PTPRG: variants seen among roughly 807,000 people sequenced by gnomAD.
PTPRG encodes the protein receptor-type tyrosine-protein phosphatase gamma.
PTPRG carries 102 observed loss-of-function variants against 165.3 expected under a neutral mutation model. That is an observed-to-expected ratio of 0.62 (90% CI 0.53 to 0.73). The LOEUF (loss-of-function observed/expected upper bound fraction) is 0.73. Ranked by LOEUF, PTPRG falls within the 30% of genes least tolerant of loss-of-function variation. The pLI is 0.00. For missense variants in PTPRG, 1,866 were observed against 1,861.4 expected (o/e 1.00, Z -0.05); for synonymous variants, 675 against 669.5 (o/e 1.01, Z -0.13).
At chr3:61,784,685 C>A (rs1257165196) in intron 2 of PTPRG, among the ~76,000 whole-genome samples, 1 of 152,144 alleles carries the variant, frequency 6.6e-6, no homozygotes, top group Non-Finnish European at 1.5e-5. Flanking sequence ...TGATCTATTT[C>A]TTCTGCCTTT....
intron 4 of PTPRG, among the ~76,000 whole-genome samples, chr3:62,017,418 ATTTT>A (rs11287319): frequency 7.3e-6 from 1 of 136,876 alleles, no homozygotes; most frequent in Non-Finnish European, 1.6e-5. Context: ...TCAGAAAATG[ATTTT>A]TTTTTTTTTT....
chr3:61,858,144 A>T (rs979934401), intron 2 of PTPRG, among the ~76,000 whole-genome samples: 1 of 152,240 alleles, frequency 6.6e-6, no homozygotes, highest in African/African-American at 2.4e-5. Context: ...ACAGAAAAGC[A>T]TGAAGGAAAA....
chr3:62,033,697 C>T (rs943008767), intron 4 of PTPRG, among the ~76,000 whole-genome samples: 1 of 152,052 alleles, frequency 6.6e-6, no homozygotes, highest in Non-Finnish European at 1.5e-5. Context: ...ATGCAAATTA[C>T]AGAGGGAGAG....
At chr3:61,970,798 A>G (rs1200047192) in intron 2 of PTPRG, among the ~76,000 whole-genome samples, 3 of 150,386 alleles carry the variant, frequency 2.0e-5, no homozygotes, top group Non-Finnish European at 3.0e-5. Flanking sequence ...GAATCACCCA[A>G]TAAAGGAATT....
At chr3:62,089,669 A>AT (rs1014471484) in intron 5 of PTPRG, among the ~76,000 whole-genome samples, 1 of 152,208 alleles carries the variant, frequency 6.6e-6, no homozygotes, top group African/African-American at 2.4e-5. Context: ...AGCTATGAGC[A>AT]TAGCTGTGCA....
At chr3:62,098,916 T>C (rs1001489538) in intron 5 of PTPRG, among the ~76,000 whole-genome samples, 13 of 152,216 alleles carry the variant, frequency 8.5e-5, no homozygotes, top group Non-Finnish European at 1.6e-4. Flanking sequence ...ACTCCAGATA[T>C]AGGGGTGTGA....
At chr3:61,623,497 G>A (rs1356839428) in intron 1 of PTPRG, among the ~76,000 whole-genome samples, 1 of 152,176 alleles carries the variant, frequency 6.6e-6, no homozygotes, top group East Asian at 1.9e-4. Context: ...AAACATTGGA[G>A]CAGGAAGAGG....
intron 21 of PTPRG, among the ~76,000 whole-genome samples, chr3:62,272,448 CTTTTT>C (rs1702096387): frequency 1.3e-5 from 2 of 152,208 alleles, no homozygotes; most frequent in South Asian, 4.1e-4. Context: ...ATTCTTGCCT[CTTTTT>C]TGTTTGTTTT....
At chr3:62,292,642 G>A in intron 29 of PTPRG, 86 bp downstream of exon 29, 1 of 1,492,896 alleles carries the variant, frequency 6.7e-7, no homozygotes, top group Non-Finnish European at 9.1e-7. Context: ...TCAATTGGGG[G>A]TGATTTTGCC....
rs369755117 is a variant in PTPRG, at chr3:62,074,344, T to TTTTCTTTTC, written c.520-3812_520-3811insTCTTTCTTT. Among the ~76,000 whole-genome samples the TTTTCTTTTC allele has an allele frequency of 2.7e-3, 330 of 124,236 alleles. 3 individuals are homozygous for TTTTCTTTTC. Among genetic ancestry groups the TTTTCTTTTC allele is most frequent in the African/African-American group, 0.011 (313 of 29,478 alleles). 81.5% of individuals were successfully genotyped at this position (124,236 alleles called of 152,430 possible). On this transcript the variant is annotated intron_variant, in intron 4 of 29. Coordinates refer to ENST00000474889, the MANE Select transcript of PTPRG (RefSeq NM_002841.4). ...TTTTTTCTTTTTTTCCTTTCTTTTC[T>TTTTCTTTTC]TTTCTTTCTTTTTTTTTTTTTTTTT...
At position 61,609,702 on chromosome 3, in the gene PTPRG, C is replaced by CA. The variant is rs554761776; in HGVS notation, c.85+47337dup. 2.6e-5 allele frequency among the ~76,000 whole-genome samples: 4 copies of CA among 151,614 alleles called. No individual in the cohort carries two copies. The South Asian group carries it at 8.4e-4, about 32-fold the overall frequency. On this transcript the variant is annotated intron_variant, in intron 1 of 29. Coordinates refer to ENST00000474889, the MANE Select transcript of PTPRG (RefSeq NM_002841.4). ...CAAAACCGCCCTCTACACAAAATAC[C>CA]AAAAAAATTAGCTGGGTGTGGTGGC...
chr3:62,177,115 A>T (rs1302742379), intron 8 of PTPRG, among the ~76,000 whole-genome samples: 2 of 151,918 alleles, frequency 1.3e-5, no homozygotes, highest in Non-Finnish European at 2.9e-5. Context: ...AAGAAAAAAA[A>T]ATTTATCTTT....
intron 1 of PTPRG, among the ~76,000 whole-genome samples, chr3:61,723,246 A>G (rs1386145719): frequency 6.6e-6 from 1 of 152,150 alleles, no homozygotes; most frequent in Non-Finnish European, 1.5e-5. Flanking sequence ...TTACAGATTT[A>G]AAGTCATGGT....
At chr3:62,120,484 C>G (rs1703026059) in intron 5 of PTPRG, among the ~76,000 whole-genome samples, 1 of 73,580 alleles carries the variant, frequency 1.4e-5, no homozygotes, top group Non-Finnish European at 3.5e-5. Context: ...GGTGCAGTGG[C>G]TCACGCCTGT....
chr3:61,713,522 A>G (rs2031665273), intron 1 of PTPRG, among the ~76,000 whole-genome samples: 1 of 152,102 alleles, frequency 6.6e-6, no homozygotes, highest in Admixed American at 6.5e-5. Flanking sequence ...CTCCTTTGTT[A>G]GGCAAGGGGA....
intron 6 of PTPRG, among the ~76,000 whole-genome samples, chr3:62,155,374 A>G (rs991649269): frequency 2.6e-5 from 4 of 152,216 alleles, no homozygotes; most frequent in African/African-American, 9.6e-5. Flanking sequence ...CACACACTTC[A>G]TAGAGTTGTG....
chr3:62,155,489 C>G (rs1256187933), intron 6 of PTPRG, among the ~76,000 whole-genome samples: 2 of 152,198 alleles, frequency 1.3e-5, no homozygotes, highest in Admixed American at 6.5e-5. Context: ...ATAGAACTAA[C>G]TTCATGGAGT....
chr3:62,124,286 G>C, intron 5 of PTPRG: 1 of 1,565,074 alleles, frequency 6.4e-7, no homozygotes, highest in South Asian at 1.1e-5. Context: ...GCTGATGTCC[G>C]TGTTGAGGGT....
At chr3:61,637,534 T>C (rs754843275) in intron 1 of PTPRG, among the ~76,000 whole-genome samples, 9 of 152,174 alleles carry the variant, frequency 5.9e-5, no homozygotes, top group Non-Finnish European at 1.0e-4. Context: ...AAACTGAGAC[T>C]GTGCAGATCA....
Sources: gnomAD v4.1 joint callset for allele counts (sites outside exome capture counted in the v4.1 genomes callset) on GRCh38, gnomAD v4.1.1 for gene constraint, MANE v1.5 for transcripts, NCBI Gene and HGNC (gene_info 2026-07-23, HGNC 2026-07-21) for gene names.